CFAP20DC: variants seen among roughly 807,000 people sequenced by gnomAD.
CFAP20DC encodes the protein protein CFAP20DC.
Under a neutral mutation model 101.7 loss-of-function variants are expected in CFAP20DC, and 84 were observed. The ratio of observed to expected loss-of-function variants is 0.83; its 90% CI spans 0.69 to 0.99. The LOEUF (loss-of-function observed/expected upper bound fraction) is 0.99. Ranked by LOEUF, CFAP20DC falls within the 50% of genes least tolerant of loss-of-function variation. The pLI is 0.00. For synonymous variants in CFAP20DC, 359 were observed against 351.2 expected, an observed-to-expected ratio of 1.02 and a Z score of -0.25; for missense variants, 1,007 against 970.3, an observed-to-expected ratio of 1.04 and a Z score of -0.50.
chr3:58,942,994 C>T (rs1431725388), intron 4 of CFAP20DC, among the ~76,000 whole-genome samples: 1 of 152,220 alleles, frequency 6.6e-6, no homozygotes, highest in African/African-American at 2.4e-5. Context: ...TGCAGCTCTG[C>T]AAAGCCGCTG....
Position 58,869,490 on chromosome 3 carries a change from T to C in CFAP20DC, c.853A>G (p.Thr285Ala), listed in dbSNP as rs770016614. The change falls in exon 9 of 17, where the codon ACA (threonine) becomes GCA (alanine). Residue 285 changes from threonine to alanine, a missense_variant and splice_region_variant. By Grantham distance (58) the Thr-to-Ala change is moderately conservative. Transcript: ENST00000482387. The surrounding 1 kb of genome is among the most constrained non-coding windows in gnomAD (Gnocchi z 4.3). Reference sequence around the variant, plus strand: ...TTTTTGGACCCAACGGATCTCACTGTCTGTAAAGGAATTAATCTGTACATT... The same window carrying C: ...TTTTTGGACCCAACGGATCTCACTGCCTGTAAAGGAATTAATCTGTACATT... ...RRNNMKISSE[T>A]VRSVGSKNNR... 6.2e-7 allele frequency: 1 copy of C among 1,603,570 alleles called. No homozygotes were observed. The highest frequency in any genetic ancestry group is 8.5e-7 in the Non-Finnish European group (1 of 1,175,446).
chr3:58,789,362 A>G (rs1283826589), intron 15 of CFAP20DC, among the ~76,000 whole-genome samples: 1 of 151,962 alleles, frequency 6.6e-6, no homozygotes, highest in East Asian at 1.9e-4. Flanking sequence ...GCTTTAATTT[A>G]GCTCTCTGGG....
At position 58,972,200 on chromosome 3, in the gene CFAP20DC, G is replaced by A. The variant is rs111320493; in HGVS notation, c.279-34438C>T. ...TAGCACAAAGGAACTGCAGATAGGG[G>A]CGTTCTGCTAGGCTCATACCCATGA... On this transcript the variant is annotated intron_variant, in intron 4 of 16. Coordinates refer to ENST00000482387, the MANE Select transcript of CFAP20DC (RefSeq NM_001394063.1). Among the ~76,000 whole-genome samples the A allele has an allele frequency of 6.6e-5, 10 of 152,232 alleles. No individual in the cohort carries two copies. The East Asian group carries it at 1.2e-3, about 18-fold the overall frequency.
intron 3 of CFAP20DC, among the ~76,000 whole-genome samples, chr3:58,735,072 A>G (rs2067721007): frequency 6.6e-6 from 1 of 152,204 alleles, no homozygotes; most frequent in African/African-American, 2.4e-5. Flanking sequence ...ATTTAACTTA[A>G]TAATGCTAAG....
At position 58,863,080 on chromosome 3, in the gene CFAP20DC, T is replaced by C. The variant is rs2079385272; in HGVS notation, c.1593+478A>G. 3 of 995,174 alleles carry C rather than the reference T, an allele frequency of 3.0e-6. No individual in the cohort carries two copies. The highest frequency in any genetic ancestry group is 3.6e-6 in the Non-Finnish European group (3 of 836,878). The allele number at this position is 995,174 out of a possible 1,614,324, so 61.6% of individuals were successfully genotyped here. A position where few individuals can be genotyped will look rare whatever the true frequency, so the allele number is the denominator to read the frequency against. ...ATCTAAACTTTAATTGGCACAACTC[T>C]TCAAATTCTGGGACCATATGGAAAA... On this transcript the variant is annotated intron_variant, in intron 12 of 16. Coordinates refer to ENST00000482387, the MANE Select transcript of CFAP20DC (RefSeq NM_001394063.1). The surrounding 1 kb of genome is among the most constrained non-coding windows in gnomAD (Gnocchi z 5.9).
chr3:58,851,204 C>T (rs572194594), intron 12 of CFAP20DC, among the ~76,000 whole-genome samples: 1 of 152,198 alleles, frequency 6.6e-6, no homozygotes, highest in South Asian at 2.1e-4. Flanking sequence ...AGGGGAATGT[C>T]ACAATGACAC....
intron 10 of CFAP20DC, among the ~76,000 whole-genome samples, chr3:58,867,378 A>G (rs958199199): frequency 2.6e-5 from 4 of 152,204 alleles, no homozygotes; most frequent in Non-Finnish European, 4.4e-5. Flanking sequence ...TTTAACCTAG[A>G]GTATAACATA....
chr3:58,976,953 G>C (rs2092305560), intron 4 of CFAP20DC, among the ~76,000 whole-genome samples: 1 of 152,124 alleles, frequency 6.6e-6, no homozygotes. Context: ...GGAAATAATT[G>C]TCTTACTTGC....
rs1430813569 is a variant in CFAP20DC at position 58,869,443 on chromosome 3, G to A, written c.900C>T (p.Ser300=). The A allele has an allele frequency of 4.3e-6, 7 of 1,613,074 alleles. No individual in the cohort carries two copies. In the African/African-American group the frequency reaches 8.0e-5, roughly 18 times the overall value. ...TACCATTAACACACTTCTCTACAGT[G>A]GACGGCTGGCATGATCGGTTATTTT... ...GSKNNRSCQP[S]TVEKCVNGTE... Residue 300 remains serine (S), a synonymous_variant, in exon 9 of 17, where the codon TCC becomes TCT. Coordinates refer to ENST00000482387, the MANE Select transcript of CFAP20DC (RefSeq NM_001394063.1). This position sits in a 1 kb window ranked among gnomAD's most constrained non-coding sequence, Gnocchi z 4.3.
chr3:58,742,667 G>C (rs970284778), intron 16 of CFAP20DC, 95 bp from the exon 17 acceptor site: 2 of 798,370 alleles, frequency 2.5e-6, no homozygotes, highest in Admixed American at 2.8e-5. Flanking sequence ...TCTCTCCTGG[G>C]GGATTTTCTT....
chr3:58,807,614 G>A (rs1475488696), intron 14 of CFAP20DC, among the ~76,000 whole-genome samples: 5 of 152,112 alleles, frequency 3.3e-5, no homozygotes, highest in Non-Finnish European at 5.9e-5. Flanking sequence ...ACAAAGATGG[G>A]GAAAAAACAG....
rs934411940 is a variant in CFAP20DC at position 58,899,122 on chromosome 3, G to A, written c.551-14413C>T. 6.6e-6 allele frequency among the ~76,000 whole-genome samples: 1 copy of A among 152,204 alleles called. No homozygotes were observed. The highest frequency in any genetic ancestry group is 2.4e-5 in the African/African-American group (1 of 41,454). ...CCAGCCTGAACTGCACCTGTAGGAG[G>A]AGGCTGGAGACCCCTGTTGGGAGGT... On this transcript the variant is annotated intron_variant, in intron 6 of 16. Coordinates refer to ENST00000482387, the MANE Select transcript of CFAP20DC (RefSeq NM_001394063.1). The surrounding 1 kb of genome is among the most constrained non-coding windows in gnomAD (Gnocchi z 5.0).
chr3:58,937,634 C>T lies in CFAP20DC; in HGVS notation c.393+14G>A, dbSNP rs572814311. The stretch of plus-strand genomic sequence containing the variant: ...TGAATTTAATATTTTAGGCAACATT[C>T]ATGTGATACTTACAATTTTACGTTT... On this transcript the variant is annotated intron_variant, in intron 5 of 16. Transcript: ENST00000482387. The T allele has an allele frequency of 3.5e-6, 5 of 1,443,928 alleles. No homozygotes were observed. The highest frequency in any genetic ancestry group is 4.9e-6 in the Non-Finnish European group (5 of 1,025,210). 89.4% of individuals were successfully genotyped at this position (1,443,928 alleles called of 1,614,324 possible).
At chr3:58,768,679 G>A (rs2070557796) in intron 15 of CFAP20DC, among the ~76,000 whole-genome samples, 1 of 152,056 alleles carries the variant, frequency 6.6e-6, no homozygotes. Flanking sequence ...TTACCACATT[G>A]GCTTAAAGCC....
At chr3:58,985,160 T>A (rs2092708867) in intron 4 of CFAP20DC, among the ~76,000 whole-genome samples, 1 of 152,190 alleles carries the variant, frequency 6.6e-6, no homozygotes, top group African/African-American at 2.4e-5. Context: ...ACTCTTGTGC[T>A]CAAGCCATCC....
chr3:58,806,959 C>T (rs574962746), intron 14 of CFAP20DC, among the ~76,000 whole-genome samples: 1 of 152,184 alleles, frequency 6.6e-6, no homozygotes, highest in Non-Finnish European at 1.5e-5. Flanking sequence ...CGGAGTCTCA[C>T]TGACTGCTAG....
At chr3:58,991,374 G>A (rs1419214724) in intron 4 of CFAP20DC, among the ~76,000 whole-genome samples, 2 of 152,078 alleles carry the variant, frequency 1.3e-5, no homozygotes, top group Non-Finnish European at 2.9e-5. Context: ...GAAACAGCAT[G>A]TTCAATAAAT....
intron 16 of CFAP20DC, among the ~76,000 whole-genome samples, chr3:58,751,840 AACAC>A (rs58961774): frequency 8.5e-5 from 12 of 140,714 alleles, no homozygotes; most frequent in South Asian, 4.4e-4. Context: ...CCTCAGCTGT[AACAC>A]ACACACACAC....
intron 7 of CFAP20DC, among the ~76,000 whole-genome samples, chr3:58,883,623 A>C (rs968274565): frequency 6.6e-6 from 1 of 152,174 alleles, no homozygotes; most frequent in African/African-American, 2.4e-5. Flanking sequence ...TTCAAGATCT[A>C]CTTCTTCCTC....
Sources: gnomAD v4.1 joint callset for allele counts (sites outside exome capture counted in the v4.1 genomes callset) on GRCh38, gnomAD v4.1.1 for gene constraint, Gnocchi (gnomAD v3.1) non-coding constraint, MANE v1.5 for transcripts, NCBI Gene and HGNC (gene_info 2026-07-23, HGNC 2026-07-21) for gene names.